Variants in IREB2 observed in about 807,000 individuals in gnomAD.
IREB2 encodes the protein iron-responsive element-binding protein 2.
IREB2 carries 39 observed loss-of-function variants against 118.8 expected under a neutral mutation model. The observed-to-expected ratio is 0.33, with a 90% confidence interval of 0.25 to 0.43. IREB2 has a LOEUF of 0.43. Ranked by LOEUF, IREB2 falls within the 20% of genes least tolerant of loss-of-function variation. The pLI is 1.00. For missense variants in IREB2, 900 were observed against 1,147.3 expected, an observed-to-expected ratio of 0.78 and a Z score of 3.11; for synonymous variants, 372 against 392.2, an observed-to-expected ratio of 0.95 and a Z score of 0.61.
chr15:78,451,684 A>AT (rs952416078), intron 2 of IREB2, among the ~76,000 whole-genome samples: 1 of 151,824 alleles, frequency 6.6e-6, no homozygotes, highest in African/African-American at 2.4e-5. Context: ...AGCACTCTGG[A>AT]TTTTTTTCTT....
At position 78,465,224 on chromosome 15, in the gene IREB2, AT is replaced by A. The variant is rs747185649; in HGVS notation, c.273-26del. 2.5e-6 allele frequency: 4 copies of A among 1,580,728 alleles called. No individual in the cohort carries two copies. In the African/African-American group the frequency reaches 5.4e-5, roughly 21 times the overall value. On this transcript the variant is annotated intron_variant, in intron 3 of 21. Transcript: ENST00000258886. ...GCATGTATAAAAAACAATTTGGACT[AT>A]AATTTGACCATTCTTTATTTTTTAG...
chr15:78,442,303 A>C (rs567104603), intron 2 of IREB2, among the ~76,000 whole-genome samples: 20 of 152,382 alleles, frequency 1.3e-4, no homozygotes, highest in African/African-American at 4.8e-4. Flanking sequence ...TTTGAAAGAA[A>C]GGAACAAGTT....
Position 78,498,216 on chromosome 15 carries a change from C to A in IREB2, c.*73C>A. The A allele has an allele frequency of 1.2e-6, 1 of 800,812 alleles. No homozygotes were observed. Among genetic ancestry groups the A allele is most frequent in the Non-Finnish European group, 2.2e-6 (1 of 459,616 alleles). 49.6% of individuals were successfully genotyped at this position (800,812 alleles called of 1,614,324 possible). On this transcript the variant is annotated 3_prime_UTR_variant, in exon 22 of 22. Transcript: ENST00000258886. The stretch of plus-strand genomic sequence containing the variant: ...TTTGTGCTGGACCCAGGAATCCTTA[C>A]CATGGAGCAGCAGATAGTCCCAGTA...
Position 78,490,696 on chromosome 15 carries a change from T to G in IREB2, c.2259T>G (p.Asp753Glu). ...LLYLGDSVTT[D>E]HISPAGSIAR... ...ATTTGGGAGACTCTGTCACAACAGATCATATATCACCTGCAGGAAGTATCG... is the reference window on the plus strand; with the variant it reads ...ATTTGGGAGACTCTGTCACAACAGAGCATATATCACCTGCAGGAAGTATCG... The change falls in exon 18 of 22, where the codon GAT becomes GAG. Residue 753 changes from aspartate to glutamate, a missense_variant. By Grantham distance (45) the Asp-to-Glu change is conservative (BLOSUM62 2). Coordinates refer to ENST00000258886, the MANE Select transcript of IREB2 (RefSeq NM_004136.4). 1 of 1,614,072 alleles carries G rather than the reference T, an allele frequency of 6.2e-7. No individual in the cohort carries two copies. The highest frequency in any genetic ancestry group is 8.5e-7 in the Non-Finnish European group (1 of 1,179,926).
chr15:78,470,132 A>G (rs1027550668), intron 5 of IREB2, among the ~76,000 whole-genome samples: 2 of 152,250 alleles, frequency 1.3e-5, no homozygotes, highest in Non-Finnish European at 2.9e-5. Context: ...GCTGCATAGA[A>G]ATAATCAGCA....
At chr15:78,439,968 G>A in intron 2 of IREB2, 87 bp downstream of exon 2, 1 of 807,028 alleles carries the variant, frequency 1.2e-6, no homozygotes, top group Non-Finnish European at 2.1e-6. Context: ...AATTTTAAAT[G>A]TATTTCCACC....
intron 8 of IREB2, 25 bp downstream of exon 8, chr15:78,473,406 A>AT: frequency 6.3e-7 from 1 of 1,595,540 alleles, no homozygotes; most frequent in African/African-American, 1.3e-5. Flanking sequence ...TGGTAGCTCT[A>AT]TGACTTACTG....
chr15:78,467,481 CAGG>C (rs1360023879), intron 5 of IREB2, among the ~76,000 whole-genome samples: 1 of 152,182 alleles, frequency 6.6e-6, no homozygotes, highest in Non-Finnish European at 1.5e-5. Context: ...CACCTGAGGT[CAGG>C]AGTTCGAGGC....
upstream of IREB2, chr15:78,438,212 G>T (rs2050782552): frequency 5.2e-5 from 39 of 744,822 alleles, 1 homozygote; most frequent in South Asian, 5.6e-4. Flanking sequence ...CGCGATATTT[G>T]CGCGAGCCTG....
rs145533826 is a variant in IREB2 at position 78,496,231 on chromosome 15, G to T, written c.2596-895G>T. Among the ~76,000 whole-genome samples the T allele has an allele frequency of 7.2e-5, 11 of 152,208 alleles. No individual in the cohort carries two copies. In the East Asian group the frequency reaches 2.1e-3, roughly 29 times the overall value. ...AGAATTCTCTCATCCTATTCCCTTT[G>T]TTGCTGTGGGCTTATACCCTCTTCA... On this transcript the variant is annotated intron_variant, in intron 20 of 21. Coordinates refer to ENST00000258886, the MANE Select transcript of IREB2 (RefSeq NM_004136.4).
intron 10 of IREB2, among the ~76,000 whole-genome samples, 195 bp downstream of exon 10, chr15:78,478,592 C>G (rs2051515266): frequency 6.6e-6 from 1 of 152,068 alleles, no homozygotes; most frequent in African/African-American, 2.4e-5. Flanking sequence ...GTCCCAAGTA[C>G]CTGGGAGGCT....
chr15:78,462,837 T>C, intron 2 of IREB2, 85 bp from the exon 3 acceptor site: 1 of 1,039,470 alleles, frequency 9.6e-7, no homozygotes, highest in Non-Finnish European at 1.4e-6. Flanking sequence ...ATTTTTGTCT[T>C]TGTCTAACTT....
chr15:78,451,244 G>A (rs1156542798), intron 2 of IREB2, among the ~76,000 whole-genome samples: 1 of 151,954 alleles, frequency 6.6e-6, no homozygotes, highest in East Asian at 1.9e-4. Context: ...GGGATTACAG[G>A]TGTGAGCCAC....
intron 16 of IREB2, among the ~76,000 whole-genome samples, chr15:78,489,791 G>A (rs369949591): frequency 6.6e-6 from 1 of 152,204 alleles, no homozygotes; most frequent in African/African-American, 2.4e-5. Context: ...GTTTACAGGC[G>A]TGAGCCACTG....
At chr15:78,493,829 T>C in intron 18 of IREB2, 80 bp from the exon 19 acceptor site, 5 of 1,372,094 alleles carry the variant, frequency 3.6e-6, no homozygotes, top group South Asian at 1.5e-5. Flanking sequence ...TAAAAAAATT[T>C]TTCAATAGGT....
In IREB2 at chr15:78,497,210, C is replaced by T; in HGVS notation, c.2680C>T (p.Leu894Phe). 1 of 1,613,834 alleles carries T rather than the reference C, an allele frequency of 6.2e-7. No individual in the cohort carries two copies. ...IGIGIAPLQF[L>F]PGENADSLGL... is the part of the protein sequence containing the mutation. The stretch of plus-strand genomic sequence containing the variant: ...AATTGGCATAGCTCCACTTCAGTTC[C>T]TTCCAGGAGAAAATGCAGATTCCTT... The change falls in exon 21 of 22, where the codon CTT becomes TTT. Residue 894 changes from leucine to phenylalanine, a missense_variant. Physicochemically the swap from Leu to Phe is conservative, Grantham distance 22 (BLOSUM62 0). Coordinates refer to ENST00000258886, the MANE Select transcript of IREB2 (RefSeq NM_004136.4).
chr15:78,483,400 T>C lies in IREB2; in HGVS notation c.1379T>C (p.Met460Thr), dbSNP rs768666875. Residue 460 changes from methionine to threonine, a missense_variant, in exon 11 of 22, where the codon ATG (methionine) becomes ACG (threonine). Met to Thr is a moderately conservative substitution (Grantham distance 81). Transcript: ENST00000258886. Reference sequence around the variant, plus strand: ...CAGGATAGAGTTGCTGTGACAGATATGAAAAGCGATTTCCAGGCTTGCTTA... The same window carrying C: ...CAGGATAGAGTTGCTGTGACAGATACGAAAAGCGATTTCCAGGCTTGCTTA... ...RPQDRVAVTD[M>T]KSDFQACLNE... is the part of the protein sequence containing the mutation. 6 of 1,603,826 alleles carry C rather than the reference T, an allele frequency of 3.7e-6. No homozygotes were observed. Among genetic ancestry groups the C allele is most frequent in the Admixed American group, 1.7e-5 (1 of 59,986 alleles).
intron 13 of IREB2, 131 bp downstream of exon 13, chr15:78,485,971 T>A: frequency 1.3e-6 from 1 of 749,976 alleles, no homozygotes; most frequent in Non-Finnish European, 2.1e-6. Flanking sequence ...ACCTTGCCAT[T>A]ACCATACAAT....
rs752454625 is a variant in IREB2 at position 78,498,077 on chromosome 15, T to A, written c.2826T>A (p.Asp942Glu). ...KVFSVIASFE[D>E]DVEITLYKHG... ...TCAGCGTGATTGCTTCGTTTGAAGA[T>A]GATGTGGAAATAACATTATACAAAC... Residue 942 changes from aspartate (D) to glutamate (E), a missense_variant, in exon 22 of 22, where the codon GAT (aspartate) becomes GAA (glutamate). Physicochemically the swap from Asp to Glu is conservative, Grantham distance 45. Coordinates refer to ENST00000258886, the MANE Select transcript of IREB2 (RefSeq NM_004136.4). The A allele has an allele frequency of 1.5e-5, 24 of 1,613,632 alleles. No individual in the cohort carries two copies. The South Asian group carries it at 2.6e-4, about 18-fold the overall frequency.
Sources: allele counts gnomAD v4.1 joint callset (sites outside exome capture counted in the v4.1 genomes callset), GRCh38; gene constraint gnomAD v4.1.1; transcripts MANE v1.5; gene names NCBI Gene and HGNC (gene_info 2026-07-23, HGNC 2026-07-21).